Variants in LHFPL6 observed in about 807,000 individuals in gnomAD.
The protein encoded by LHFPL6 is LHFPL tetraspan subfamily member 6, also known as LHFPL tetraspan subfamily member 6 protein.
Under a neutral mutation model 20.6 loss-of-function variants are expected in LHFPL6, and 9 were observed. That is an observed-to-expected ratio of 0.44 (90% confidence interval 0.26 to 0.76). The LOEUF is 0.76. Among genes scored for constraint, LHFPL6 ranks in the 30% least tolerant of loss-of-function variants. The probability of loss-of-function intolerance (pLI) is 0.20; values close to 1 mark genes in which losing one functional copy is unlikely to be tolerated. For synonymous variants in LHFPL6, 105 were observed against 98.7 expected (o/e 1.06, Z -0.38); for missense variants, 218 against 253.5 (o/e 0.86, Z 0.95).
At position 39,361,245 on chromosome 13, in the gene LHFPL6, A is replaced by C. The variant is rs144648546; in HGVS notation, c.484+17183T>G. Among the ~76,000 whole-genome samples the C allele has an allele frequency of 5.6e-4, 55 of 97,942 alleles. 10 individuals carry two copies. Among genetic ancestry groups the C allele is most frequent in the African/African-American group, 1.6e-3 (53 of 33,640 alleles). 64.3% of individuals were successfully genotyped at this position (97,942 alleles called of 152,430 possible). ...TGACATCTTAACAATTTCTAACATCAGAATGAAGTTAGTGAAGAAAGCAAC... is the reference window on the plus strand; with the variant it reads ...TGACATCTTAACAATTTCTAACATCCGAATGAAGTTAGTGAAGAAAGCAAC... On this transcript the variant is annotated intron_variant, in intron 3 of 3. Transcript: ENST00000379589.
At chr13:39,436,359 T>A (rs1871956495) in intron 2 of LHFPL6, among the ~76,000 whole-genome samples, 1 of 152,220 alleles carries the variant, frequency 6.6e-6, no homozygotes, top group Non-Finnish European at 1.5e-5. Flanking sequence ...CCTGTTAAAA[T>A]TTTTTAAATG....
chr13:39,441,318 A>C (rs1872127045), intron 2 of LHFPL6, among the ~76,000 whole-genome samples: 1 of 151,752 alleles, frequency 6.6e-6, no homozygotes, highest in African/African-American at 2.4e-5. Context: ...TTATTAGGCT[A>C]TTAGTTGATC....
intron 3 of LHFPL6, among the ~76,000 whole-genome samples, chr13:39,368,073 C>G (rs891903739): frequency 6.6e-6 from 1 of 152,186 alleles, no homozygotes; most frequent in African/African-American, 2.4e-5. Context: ...TGCTTGTAAC[C>G]CCAGCACTTT....
intron 2 of LHFPL6, among the ~76,000 whole-genome samples, chr13:39,478,282 C>A (rs1256416092): frequency 6.6e-6 from 1 of 151,892 alleles, no homozygotes; most frequent in Non-Finnish European, 1.5e-5. Context: ...TGGAAACCAG[C>A]ACTATAAACA....
chr13:39,364,845 G>C (rs1025273939), intron 3 of LHFPL6, among the ~76,000 whole-genome samples: 1 of 152,136 alleles, frequency 6.6e-6, no homozygotes, highest in Non-Finnish European at 1.5e-5. Flanking sequence ...CTGGCCAGCT[G>C]AGTATCTGCT....
intron 2 of LHFPL6, among the ~76,000 whole-genome samples, chr13:39,396,574 T>A (rs991683619): frequency 6.6e-6 from 1 of 151,906 alleles, no homozygotes; most frequent in East Asian, 1.9e-4. Context: ...GGCAGGAGGA[T>A]TGCTTGAGCC....
At chr13:39,429,186 GT>G (rs66526631) in intron 2 of LHFPL6, among the ~76,000 whole-genome samples, 19,152 of 148,374 alleles carry the variant, frequency 0.13, 1,414 homozygotes, top group Admixed American at 0.24. Flanking sequence ...TATCCTTACT[GT>G]TTTTTTTTTC....
intron 2 of LHFPL6, among the ~76,000 whole-genome samples, chr13:39,405,143 T>C (rs1871088105): frequency 6.6e-6 from 1 of 152,208 alleles, no homozygotes; most frequent in South Asian, 2.1e-4. Context: ...AATACACATA[T>C]GTGGACATCT....
intron 2 of LHFPL6, among the ~76,000 whole-genome samples, chr13:39,591,855 G>A (rs946586561): frequency 1.3e-5 from 2 of 152,144 alleles, no homozygotes; most frequent in African/African-American, 2.4e-5. Flanking sequence ...CAGCACTTTG[G>A]GAGACTGAGG....
intron 2 of LHFPL6, among the ~76,000 whole-genome samples, chr13:39,465,898 A>C (rs1362516591): frequency 6.6e-6 from 1 of 151,980 alleles, no homozygotes; most frequent in Non-Finnish European, 1.5e-5. Flanking sequence ...GTATGTCTGG[A>C]AGATTTCCTT....
intron 2 of LHFPL6, among the ~76,000 whole-genome samples, chr13:39,521,265 G>A (rs555169881): frequency 7.9e-5 from 12 of 151,976 alleles, no homozygotes; most frequent in East Asian, 1.9e-4. Context: ...AAACTACCTC[G>A]CTATCCAGGG....
At chr13:39,433,958 T>C (rs1444440454) in intron 2 of LHFPL6, among the ~76,000 whole-genome samples, 2 of 152,168 alleles carry the variant, frequency 1.3e-5, no homozygotes, top group African/African-American at 2.4e-5. Context: ...TGGGAGAGGA[T>C]AGCAAAGAGC....
At chr13:39,344,231 C>A (rs1018683814) in intron 3 of LHFPL6, among the ~76,000 whole-genome samples, 177 bp from the exon 4 acceptor site, 1 of 152,150 alleles carries the variant, frequency 6.6e-6, no homozygotes, top group Non-Finnish European at 1.5e-5. Context: ...GCAAGAATGG[C>A]TGGATGCATT....
chr13:39,553,354 C>T (rs1444105877), intron 2 of LHFPL6, among the ~76,000 whole-genome samples: 2 of 152,184 alleles, frequency 1.3e-5, no homozygotes, highest in African/African-American at 4.8e-5. Context: ...GGCTTTGAAA[C>T]TTCCTTTGGC....
At chr13:39,414,394 T>A (rs1049330024) in intron 2 of LHFPL6, among the ~76,000 whole-genome samples, 8 of 152,244 alleles carry the variant, frequency 5.3e-5, no homozygotes, top group African/African-American at 1.9e-4. Context: ...GTATCAGATT[T>A]TAGCCACAGT....
intron 2 of LHFPL6, among the ~76,000 whole-genome samples, chr13:39,488,323 T>A (rs1009565702): frequency 3.3e-5 from 5 of 152,200 alleles, no homozygotes; most frequent in African/African-American, 1.2e-4. Context: ...GCAATCCAAA[T>A]GGACTAAGAC....
chr13:39,560,071 G>A (rs1420168548), intron 2 of LHFPL6, among the ~76,000 whole-genome samples: 1 of 152,042 alleles, frequency 6.6e-6, no homozygotes, highest in Non-Finnish European at 1.5e-5. Flanking sequence ...ATGAGAAAAG[G>A]CACTTGGCAA....
At chr13:39,356,538 G>T (rs976981597) in intron 3 of LHFPL6, among the ~76,000 whole-genome samples, 2 of 152,136 alleles carry the variant, frequency 1.3e-5, no homozygotes, top group African/African-American at 4.8e-5. Flanking sequence ...AAACAAAATT[G>T]AGATGTAAAA....
intron 2 of LHFPL6, among the ~76,000 whole-genome samples, chr13:39,413,933 T>C (rs925981879): frequency 6.6e-6 from 1 of 152,240 alleles, no homozygotes; most frequent in Non-Finnish European, 1.5e-5. Context: ...ACTCTTTTGC[T>C]ATGGCTTCTT....
Sources: gnomAD v4.1 joint callset for allele counts (sites outside exome capture counted in the v4.1 genomes callset) on GRCh38, gnomAD v4.1.1 for gene constraint, MANE v1.5 for transcripts, NCBI Gene and HGNC (gene_info 2026-07-23, HGNC 2026-07-21) for gene names.